MALRD1: variants seen among roughly 807,000 people sequenced by gnomAD.
The protein encoded by MALRD1 is MAM and LDL receptor class A domain containing 1.
A neutral mutation model predicts 242.1 loss-of-function variants in MALRD1; 247 were observed. The observed-to-expected ratio is 1.02, with a 90% CI of 0.92 to 1.13. MALRD1 has a LOEUF of 1.13. MALRD1 is among the 50% of genes most tolerant of loss of function. MALRD1 has a pLI of 0.00. For missense variants in MALRD1, 2,989 were observed against 2,533.1 expected, an observed-to-expected ratio of 1.18 and a Z score of -3.86; for synonymous variants, 995 against 866.6, an observed-to-expected ratio of 1.15 and a Z score of -2.60.
At chr10:19,178,481 G>T (rs968573069) in intron 14 of MALRD1, among the ~76,000 whole-genome samples, 5 of 152,078 alleles carry the variant, frequency 3.3e-5, no homozygotes, top group Non-Finnish European at 7.4e-5. Flanking sequence ...CCCAGACCCT[G>T]TACAGGACTT....
intron 38 of MALRD1, among the ~76,000 whole-genome samples, chr10:19,715,645 C>T (rs971520783): frequency 4.6e-5 from 7 of 152,090 alleles, no homozygotes; most frequent in African/African-American, 1.7e-4. Context: ...TAAAGAAATA[C>T]CTGAGGGTGG....
At chr10:19,342,705 A>G (rs1009088761) in intron 24 of MALRD1, among the ~76,000 whole-genome samples, 3 of 152,124 alleles carry the variant, frequency 2.0e-5, no homozygotes, top group Non-Finnish European at 4.4e-5. Context: ...TATGTTAGAA[A>G]GTAGGTCAGG....
At position 19,088,174 on chromosome 10, in the gene MALRD1, C is replaced by A. The variant is rs1367038492; in HGVS notation, c.586C>A (p.Gln196Lys). 3.2e-6 allele frequency: 4 copies of A among 1,233,146 alleles called. No homozygotes were observed. Among genetic ancestry groups the A allele is most frequent in the Non-Finnish European group, 4.0e-6 (4 of 987,706 alleles). 76.4% of individuals were successfully genotyped at this position (1,233,146 alleles called of 1,614,324 possible). Residue 196 changes from glutamine to lysine, a missense_variant, in exon 4 of 40, where the codon CAG becomes AAG. Coordinates refer to ENST00000454679, the MANE Select transcript of MALRD1 (RefSeq NM_001142308.3). Reference sequence around the variant, plus strand: ...AAATGTCATCAAAATCCAGAGTTCACAGAGATTTCAGGTATGTGTGTTCTA... The same window carrying A: ...AAATGTCATCAAAATCCAGAGTTCAAAGAGATTTCAGGTATGTGTGTTCTA... Reference protein sequence around the residue: ...ERNVIKIQSSQRFQVVFEGQM... With the variant: ...ERNVIKIQSSKRFQVVFEGQM...
intron 26 of MALRD1, among the ~76,000 whole-genome samples, chr10:19,371,615 C>A (rs1845383403): frequency 1.3e-5 from 2 of 152,026 alleles, no homozygotes; most frequent in Non-Finnish European, 2.9e-5. Context: ...TCTATTATCC[C>A]TTCTATATAT....
chr10:19,661,651 G>T (rs1314334453), intron 36 of MALRD1, among the ~76,000 whole-genome samples: 1 of 152,048 alleles, frequency 6.6e-6, no homozygotes, highest in African/African-American at 2.4e-5. Flanking sequence ...AGGGGCGGGG[G>T]GAAGGATAGC....
At position 19,103,982 on chromosome 10, in the gene MALRD1, G is replaced by T. The variant is rs1201410655; in HGVS notation, c.601G>T (p.Val201Phe). 1.6e-6 allele frequency: 2 copies of T among 1,233,184 alleles called. No individual in the cohort carries two copies. The highest frequency in any genetic ancestry group is 6.3e-5 in the East Asian group (2 of 31,704). 76.4% of individuals were successfully genotyped at this position (1,233,184 alleles called of 1,614,324 possible). A position where few individuals can be genotyped will look rare whatever the true frequency, so the allele number is the denominator to read the frequency against. ...KIQSSQRFQV[V>F]FEGQMASTYE... Reference sequence around the variant, plus strand: ...TTGTTTTGTTTTTCTGGTGCAGGTTGTTTTTGAAGGTCAAATGGCTTCAAC... The same window carrying T: ...TTGTTTTGTTTTTCTGGTGCAGGTTTTTTTTGAAGGTCAAATGGCTTCAAC... The change falls in exon 5 of 40, where the codon GTT becomes TTT. Residue 201 changes from valine to phenylalanine, a missense_variant. Physicochemically the swap from Val to Phe is conservative, Grantham distance 50. Transcript: ENST00000454679.
At chr10:19,176,032 T>G (rs1001843530) in intron 14 of MALRD1, among the ~76,000 whole-genome samples, 1 of 152,172 alleles carries the variant, frequency 6.6e-6, no homozygotes, top group Non-Finnish European at 1.5e-5. Flanking sequence ...CTAGTACTAA[T>G]TGATGTTTCT....
At chr10:19,571,648 C>T (rs1836545820) in intron 33 of MALRD1, among the ~76,000 whole-genome samples, 1 of 152,046 alleles carries the variant, frequency 6.6e-6, no homozygotes, top group Non-Finnish European at 1.5e-5. Flanking sequence ...ACAGGACCTA[C>T]CACAATGAAT....
intron 21 of MALRD1, among the ~76,000 whole-genome samples, chr10:19,294,649 G>T (rs976759299): frequency 6.6e-6 from 1 of 152,124 alleles, no homozygotes; most frequent in South Asian, 2.1e-4. Flanking sequence ...GTGCTTGGTT[G>T]TATGTCTGTC....
chr10:19,387,180 A>G (rs1846115606), intron 26 of MALRD1, among the ~76,000 whole-genome samples: 1 of 152,144 alleles, frequency 6.6e-6, no homozygotes, highest in Non-Finnish European at 1.5e-5. Context: ...TTTCAGGATG[A>G]AAAAATAGAA....
In MALRD1 at chr10:19,314,131, A is replaced by G. The variant is rs967318697; in HGVS notation, c.3420-9818A>G. Among the ~76,000 whole-genome samples, 6 of 151,602 alleles carry G rather than the reference A, an allele frequency of 4.0e-5. No homozygotes were observed. In the East Asian group the frequency reaches 1.2e-3, roughly 29 times the overall value. On this transcript the variant is annotated intron_variant, in intron 21 of 39. Coordinates refer to ENST00000454679, the MANE Select transcript of MALRD1 (RefSeq NM_001142308.3). ...GCCACTTGAGTTCAAGCTACTTTTC[A>G]AGAGATTCTAGATATTATAATAAAG... is the stretch of plus-strand genomic sequence containing the variant.
At chr10:19,491,490 T>C in intron 29 of MALRD1, 27 bp from the exon 30 acceptor site, 1 of 1,546,140 alleles carries the variant, frequency 6.5e-7, no homozygotes, top group Non-Finnish European at 8.7e-7. Flanking sequence ...GATGGAATAC[T>C]GCTTTTGTTT....
At chr10:19,210,271 T>A (rs1453553362) in intron 18 of MALRD1, among the ~76,000 whole-genome samples, 1 of 152,180 alleles carries the variant, frequency 6.6e-6, no homozygotes, top group Non-Finnish European at 1.5e-5. Flanking sequence ...TTTTATATAT[T>A]ATCTATCTGA....
At chr10:19,457,298 G>T (rs1303255753) in intron 29 of MALRD1, among the ~76,000 whole-genome samples, 1 of 152,138 alleles carries the variant, frequency 6.6e-6, no homozygotes, top group Non-Finnish European at 1.5e-5. Context: ...TGTCAAGCAG[G>T]TTCACTGTCT....
At chr10:19,546,629 A>G (rs2131391848) in intron 32 of MALRD1, among the ~76,000 whole-genome samples, 1 of 152,316 alleles carries the variant, frequency 6.6e-6, no homozygotes, top group African/African-American at 2.4e-5. Flanking sequence ...ATTTGGCTAG[A>G]ACAGTTCACA....
chr10:19,119,594 G>T (rs1204052590), intron 5 of MALRD1, among the ~76,000 whole-genome samples: 3 of 152,102 alleles, frequency 2.0e-5, no homozygotes, highest in African/African-American at 7.2e-5. Context: ...TTATTGACCT[G>T]GATGGTGCCA....
chr10:19,679,154 A>G (rs1205908598), intron 36 of MALRD1, among the ~76,000 whole-genome samples: 1 of 152,212 alleles, frequency 6.6e-6, no homozygotes, highest in East Asian at 1.9e-4. Flanking sequence ...TTTTGGTATC[A>G]GGATGATGCT....
At chr10:19,205,949 A>G (rs1172091824) in intron 17 of MALRD1, among the ~76,000 whole-genome samples, 1 of 151,726 alleles carries the variant, frequency 6.6e-6, no homozygotes, top group Non-Finnish European at 1.5e-5. Flanking sequence ...TGTCAAGAAA[A>G]GAAAAAGTTT....
At chr10:19,104,220 G>A in intron 5 of MALRD1, 145 bp downstream of exon 5, 1 of 442,110 alleles carries the variant, frequency 2.3e-6, no homozygotes, top group Non-Finnish European at 3.7e-6. Flanking sequence ...TTGTATAACA[G>A]TGACTGGATC....
Sources: allele counts gnomAD v4.1 joint callset (sites outside exome capture counted in the v4.1 genomes callset), GRCh38; gene constraint gnomAD v4.1.1; transcripts MANE v1.5; gene names NCBI Gene and HGNC (gene_info 2026-07-23, HGNC 2026-07-21).